The following LARS2 variants were observed in gnomAD, a reference collection of about 807,000 sequenced individuals.
LARS2 encodes leucyl-tRNA synthetase 2, mitochondrial.
In LARS2, 81 loss-of-function variants were observed where a neutral mutation model predicts 116.6. The ratio of observed to expected loss-of-function variants is 0.69; its 90% CI spans 0.58 to 0.84. The LOEUF is 0.84. Among genes scored for constraint, LARS2 ranks in the 40% least tolerant of loss-of-function variants. The probability of loss-of-function intolerance (pLI) is 0.00; values close to 1 mark genes in which losing one functional copy is unlikely to be tolerated. For synonymous variants in LARS2, 396 were observed against 407.2 expected, an observed-to-expected ratio of 0.97 and a Z score of 0.33; for missense variants, 968 against 1,114.5, an observed-to-expected ratio of 0.87 and a Z score of 1.87.
chr3:45,530,387 GC>G (rs1239355713), intron 20 of LARS2, among the ~76,000 whole-genome samples: 1 of 152,138 alleles, frequency 6.6e-6, no homozygotes, highest in Non-Finnish European at 1.5e-5. Context: ...GGGCATGGTG[GC>G]ATGTGCCTGT....
At chr3:45,390,592 G>A (rs938889276) in intron 1 of LARS2, among the ~76,000 whole-genome samples, 6 of 151,426 alleles carry the variant, frequency 4.0e-5, no homozygotes, top group African/African-American at 1.5e-4. Context: ...GATTACAGGC[G>A]TGAGCCACCA....
chr3:45,408,077 C>T (rs893238749), intron 4 of LARS2, among the ~76,000 whole-genome samples: 2 of 152,254 alleles, frequency 1.3e-5, no homozygotes, highest in East Asian at 3.8e-4. Flanking sequence ...AAGGCCCCCC[C>T]GTCCCCAGGC....
At chr3:45,495,942 C>T (rs1480575256) in intron 13 of LARS2, among the ~76,000 whole-genome samples, 2 of 152,086 alleles carry the variant, frequency 1.3e-5, no homozygotes, top group African/African-American at 4.8e-5. Flanking sequence ...TCACTGCAAC[C>T]TCCACCTCCC....
At chr3:45,537,941 G>A (rs188792406) in intron 20 of LARS2, among the ~76,000 whole-genome samples, 45 of 152,316 alleles carry the variant, frequency 3.0e-4, no homozygotes, top group Admixed American at 1.4e-3. Context: ...GGCCATAGCC[G>A]ACCTTGTCAG....
At chr3:45,496,477 A>G (rs997462312) in intron 14 of LARS2, 104 bp downstream of exon 14, 3 of 875,334 alleles carry the variant, frequency 3.4e-6, no homozygotes, top group Admixed American at 3.6e-5. Context: ...TTGGGGGGAA[A>G]TGCCTGTGCA....
intron 4 of LARS2, among the ~76,000 whole-genome samples, chr3:45,414,336 G>C (rs534283749): frequency 3.9e-5 from 6 of 152,032 alleles, no homozygotes; most frequent in Non-Finnish European, 8.8e-5. Context: ...CATGTAACTG[G>C]TACGTATGGC....
intron 20 of LARS2, among the ~76,000 whole-genome samples, chr3:45,535,367 AG>A (rs66532026): frequency 0.82 from 113,233 of 138,242 alleles, 50,509 homozygotes; most frequent in East Asian, 0.99. Flanking sequence ...AAAAAAAAAA[AG>A]AAAAGAAAAG....
intron 15 of LARS2, among the ~76,000 whole-genome samples, chr3:45,507,551 A>T (rs1700217792): frequency 6.6e-6 from 1 of 152,128 alleles, no homozygotes; most frequent in South Asian, 2.1e-4. Flanking sequence ...ATGCCCCAAA[A>T]TGCTGAGACA....
chr3:45,452,514 T>G (rs1284717590), intron 7 of LARS2, among the ~76,000 whole-genome samples: 1 of 152,180 alleles, frequency 6.6e-6, no homozygotes, highest in Non-Finnish European at 1.5e-5. Flanking sequence ...TGTTGAACCA[T>G]CCTTGCATCC....
intron 10 of LARS2, among the ~76,000 whole-genome samples, chr3:45,480,006 G>A (rs1194894907): frequency 6.6e-6 from 1 of 152,142 alleles, no homozygotes; most frequent in Non-Finnish European, 1.5e-5. Flanking sequence ...GAAGCCCCAG[G>A]TCATTAAATA....
chr3:45,403,112 C>CAAAAAAAAA (rs1160287597), intron 4 of LARS2, among the ~76,000 whole-genome samples: 31 of 85,358 alleles, frequency 3.6e-4, no homozygotes, highest in Admixed American at 5.8e-4. Context: ...TCTCCAAAGA[C>CAAAAAAAAA]AAAAAAAAAA....
At chr3:45,528,373 T>C (rs1700563177) in intron 20 of LARS2, among the ~76,000 whole-genome samples, 1 of 152,184 alleles carries the variant, frequency 6.6e-6, no homozygotes, top group Non-Finnish European at 1.5e-5. Flanking sequence ...TGTGTTCACT[T>C]ACCTATGTGT....
chr3:45,504,148 C>T (rs1215714419), intron 15 of LARS2, among the ~76,000 whole-genome samples: 2 of 151,928 alleles, frequency 1.3e-5, no homozygotes, highest in East Asian at 1.9e-4. Flanking sequence ...GTCACCTATT[C>T]TTCCAATTAC....
chr3:45,450,223 A>AT (rs1006559824), intron 7 of LARS2, among the ~76,000 whole-genome samples: 40 of 152,224 alleles, frequency 2.6e-4, no homozygotes, highest in African/African-American at 9.4e-4. Context: ...CACCTCAAAC[A>AT]TTTATCTTTC....
At chr3:45,509,149 G>T (rs1700243781) in intron 15 of LARS2, among the ~76,000 whole-genome samples, 1 of 152,136 alleles carries the variant, frequency 6.6e-6, no homozygotes, top group Non-Finnish European at 1.5e-5. Flanking sequence ...TCAAGGCAGA[G>T]GCCCTGCCTA....
chr3:45,471,664 T>C (rs1275701202), intron 8 of LARS2, among the ~76,000 whole-genome samples: 1 of 152,228 alleles, frequency 6.6e-6, no homozygotes, highest in Non-Finnish European at 1.5e-5. Context: ...GGATTTGATA[T>C]GATGGAAAGA....
At chr3:45,527,850 G>A (rs1372538390) in intron 20 of LARS2, among the ~76,000 whole-genome samples, 1 of 152,192 alleles carries the variant, frequency 6.6e-6, no homozygotes, top group Non-Finnish European at 1.5e-5. Flanking sequence ...TTGGTGTTCA[G>A]TGAGATCATT....
intron 10 of LARS2, 93 bp from the exon 11 acceptor site, chr3:45,485,599 A>G: frequency 3.0e-6 from 2 of 661,578 alleles, no homozygotes; most frequent in Non-Finnish European, 5.3e-6. Flanking sequence ...CAGAAGTTCT[A>G]GTGCTTACTT....
intron 15 of LARS2, among the ~76,000 whole-genome samples, chr3:45,505,850 C>G (rs1408689777): frequency 6.6e-6 from 1 of 152,016 alleles, no homozygotes; most frequent in Non-Finnish European, 1.5e-5. Context: ...GGCCAAGTAT[C>G]CTAAGGTATA....
Sources: gnomAD v4.1 joint callset for allele counts (sites outside exome capture counted in the v4.1 genomes callset) on GRCh38, gnomAD v4.1.1 for gene constraint, MANE v1.5 for transcripts, NCBI Gene and HGNC (gene_info 2026-07-23, HGNC 2026-07-21) for gene names.